The following COMMD7 variants were observed in gnomAD, a reference collection of about 807,000 sequenced individuals.
COMMD7 encodes the protein COMM domain containing 7.
A neutral mutation model predicts 34.8 loss-of-function variants in COMMD7; 28 were observed. The observed-to-expected ratio is 0.80, with a 90% CI of 0.60 to 1.10. The LOEUF is 1.10. COMMD7 is among the 50% of genes least tolerant of loss of function. COMMD7 has a pLI of 0.00. For missense variants in COMMD7, 211 were observed against 241.6 expected (o/e 0.87, Z 0.84); for synonymous variants, 80 against 86.4 (o/e 0.93, Z 0.41).
intron 3 of COMMD7, among the ~76,000 whole-genome samples, chr20:32,720,534 G>A (rs1327784575): frequency 6.6e-6 from 1 of 152,154 alleles, no homozygotes; most frequent in African/African-American, 2.4e-5. Flanking sequence ...ACTAGGCCGG[G>A]CATGGTGGTT....
chr20:32,740,813 CA>C (rs56039232), intron 1 of COMMD7, among the ~76,000 whole-genome samples: 104 of 128,250 alleles, frequency 8.1e-4, no homozygotes, highest in Admixed American at 1.3e-3. Context: ...GACCCTGCCT[CA>C]AAAAAAAAAA....
chr20:32,732,114 GCT>G (rs1439378392), intron 1 of COMMD7, among the ~76,000 whole-genome samples: 1 of 152,094 alleles, frequency 6.6e-6, no homozygotes, highest in African/African-American at 2.4e-5. Context: ...GCAGAGTCTG[GCT>G]CTGTCGCCCA....
chr20:32,719,316 G>A (rs1306661130), intron 3 of COMMD7, among the ~76,000 whole-genome samples: 1 of 152,132 alleles, frequency 6.6e-6, no homozygotes, highest in African/African-American at 2.4e-5. Context: ...CAGCCTTTGG[G>A]ACTAGAAAGA....
chr20:32,743,312 G>C lies in COMMD7; in HGVS notation c.80C>G (p.Ala27Gly). The change falls in exon 1 of 9, where the codon GCG becomes GGG. Residue 27 changes from alanine to glycine, a missense_variant. Ala to Gly is a moderately conservative substitution (Grantham distance 60). Transcript: ENST00000278980. ...ACGCCCCGCCGCCGGGCCCACCTGC[G>C]CGCCCAGCTGGTTCAGCTGCTGCAT... Reference protein sequence around the residue: ...GDMQQLNQLGAQQFSALTEVL... With the variant: ...GDMQQLNQLGGQQFSALTEVL... 2.8e-6 allele frequency: 4 copies of C among 1,440,198 alleles called. No individual in the cohort carries two copies. The highest frequency in any genetic ancestry group is 3.7e-6 in the Non-Finnish European group (4 of 1,091,480). 89.2% of individuals were successfully genotyped at this position (1,440,198 alleles called of 1,614,324 possible). A position where few individuals can be genotyped will look rare whatever the true frequency, so the allele number is the denominator to read the frequency against.
At chr20:32,738,412 C>T (rs1328663737) in intron 1 of COMMD7, among the ~76,000 whole-genome samples, 1 of 152,034 alleles carries the variant, frequency 6.6e-6, no homozygotes. Context: ...CATGGTGAAA[C>T]CTCATCTCTA....
chr20:32,734,325 T>C lies in COMMD7; in HGVS notation c.85-6183A>G, dbSNP rs1986022035. Reference sequence around the variant, plus strand: ...CCGTCTCTACTAAAAATACAAAAATTAGCCGGGCATGGTGGCATGCGCCTG... The same window carrying C: ...CCGTCTCTACTAAAAATACAAAAATCAGCCGGGCATGGTGGCATGCGCCTG... On this transcript the variant is annotated intron_variant, in intron 1 of 8. Coordinates refer to ENST00000278980, the MANE Select transcript of COMMD7 (RefSeq NM_053041.3). Among the ~76,000 whole-genome samples, 3 of 151,180 alleles carry C rather than the reference T, an allele frequency of 2.0e-5. No individual in the cohort carries two copies. The South Asian group carries it at 6.2e-4, about 31-fold the overall frequency.
intron 1 of COMMD7, among the ~76,000 whole-genome samples, chr20:32,739,488 A>G (rs963056855): frequency 4.6e-5 from 7 of 151,770 alleles, no homozygotes; most frequent in African/African-American, 1.7e-4. Context: ...TACTAAAAAT[A>G]CAAAAAATTA....
At chr20:32,705,653 G>A (rs989750587) in intron 5 of COMMD7, among the ~76,000 whole-genome samples, 1 of 152,086 alleles carries the variant, frequency 6.6e-6, no homozygotes. Flanking sequence ...GATTACAGGC[G>A]TGAGCCACCG....
At chr20:32,703,773 A>G (rs1183802819) in intron 8 of COMMD7, 1 of 1,503,020 alleles carries the variant, frequency 6.7e-7, no homozygotes, top group African/African-American at 1.4e-5. Context: ...TTCTTCTTCA[A>G]TCCCAGCCAT....
intron 3 of COMMD7, among the ~76,000 whole-genome samples, chr20:32,713,483 A>G (rs924457949): frequency 4.6e-5 from 7 of 152,226 alleles, no homozygotes; most frequent in Admixed American, 6.5e-5. Flanking sequence ...AACAGCAAAC[A>G]TTGTTCTTAT....
At position 32,706,745 on chromosome 20, in the gene COMMD7, C is replaced by T. The variant is rs749158080; in HGVS notation, c.257G>A (p.Ser86Asn). 2 of 1,613,908 alleles carry T rather than the reference C, an allele frequency of 1.2e-6. No individual in the cohort carries two copies. The highest frequency in any genetic ancestry group is 2.2e-5 in the South Asian group (2 of 91,068). ...LLVPNGALKK[S>N]LTAKQVQADF... ...CGCCTGGACCTGCTTGGCTGTGAGA[C>T]TCTTCTTCAAAGCACCTGGGAGGCA... The change falls in exon 4 of 9, where the codon AGT (serine) becomes AAT (asparagine). Residue 86 changes from serine (S) to asparagine (N), a missense_variant. Physicochemically the swap from Ser to Asn is conservative, Grantham distance 46. Coordinates refer to ENST00000278980, the MANE Select transcript of COMMD7 (RefSeq NM_053041.3).
At chr20:32,705,692 C>T (rs969091791) in intron 5 of COMMD7, among the ~76,000 whole-genome samples, 2 of 152,068 alleles carry the variant, frequency 1.3e-5, no homozygotes, top group African/African-American at 4.8e-5. Context: ...TATATTTTTA[C>T]AAGTAAGTCC....
At chr20:32,716,398 G>A (rs1347962838) in intron 3 of COMMD7, among the ~76,000 whole-genome samples, 6 of 151,974 alleles carry the variant, frequency 3.9e-5, no homozygotes, top group South Asian at 2.1e-4. Context: ...GGCGGATCAC[G>A]AGGTCAGGAG....
chr20:32,730,797 G>A (rs1568791419), intron 1 of COMMD7, among the ~76,000 whole-genome samples: 1 of 152,078 alleles, frequency 6.6e-6, no homozygotes, highest in Non-Finnish European at 1.5e-5. Flanking sequence ...GAGCCAGGCT[G>A]GACGCTAAAC....
chr20:32,704,799 GT>G lies in COMMD7; in HGVS notation c.427+14del, dbSNP rs754086672. On this transcript the variant is annotated intron_variant, in intron 6 of 8. Transcript: ENST00000278980. ...GTACCACCCAAATAACCCAGGACTG[GT>G]TGTAACTAGTTACCTCCAAATTTCC... The G allele has an allele frequency of 6.3e-7, 1 of 1,594,238 alleles. No individual in the cohort carries two copies. The highest frequency in any genetic ancestry group is 8.6e-7 in the Non-Finnish European group (1 of 1,162,034).
intron 3 of COMMD7, among the ~76,000 whole-genome samples, chr20:32,717,909 ACC>A (rs1057032523): frequency 4.1e-5 from 6 of 147,654 alleles, no homozygotes; most frequent in Non-Finnish European, 7.5e-5. Context: ...ACATGGTAAA[ACC>A]CCCTCTTGAC....
rs140483256 is a variant in COMMD7, at chr20:32,737,504, C to G, written c.84+5804G>C. On this transcript the variant is annotated intron_variant, in intron 1 of 8. Transcript: ENST00000278980. ...CCTGGGTGATAGAATGAGACCCTGT[C>G]TCAAATTTAAAAAAACGAAAGAAAG... Among the ~76,000 whole-genome samples, 353 of 151,840 alleles carry G rather than the reference C, an allele frequency of 2.3e-3. 1 individual carries two copies. The highest frequency in any genetic ancestry group is 8.0e-3 in the African/African-American group (333 of 41,418).
At chr20:32,731,452 C>T (rs750973055) in intron 1 of COMMD7, among the ~76,000 whole-genome samples, 3 of 152,260 alleles carry the variant, frequency 2.0e-5, no homozygotes, top group East Asian at 1.9e-4. Context: ...ACTATGATTG[C>T]GCCACTGCAA....
chr20:32,728,447 T>TACACAC (rs112717200), intron 1 of COMMD7, among the ~76,000 whole-genome samples: 1 of 150,748 alleles, frequency 6.6e-6, no homozygotes, highest in Admixed American at 6.7e-5. Context: ...CAGACAGACA[T>TACACAC]ACACACACAC....
Sources: gnomAD v4.1 joint callset for allele counts (sites outside exome capture counted in the v4.1 genomes callset) on GRCh38, gnomAD v4.1.1 for gene constraint, MANE v1.5 for transcripts, NCBI Gene and HGNC (gene_info 2026-07-23, HGNC 2026-07-21) for gene names.